ORC2: variants seen among roughly 807,000 people sequenced by gnomAD.
ORC2 encodes the protein origin recognition complex protein 2 homolog.
Under a neutral mutation model 77.7 loss-of-function variants are expected in ORC2, and 37 were observed. The ratio of observed to expected loss-of-function variants is 0.48; its 90% CI spans 0.37 to 0.63. The LOEUF is 0.63. Ranked by LOEUF, ORC2 falls within the 20% of genes least tolerant of loss-of-function variation. The pLI is 0.00. For missense variants in ORC2, 557 were observed against 661.9 expected, an observed-to-expected ratio of 0.84 and a Z score of 1.74; for synonymous variants, 201 against 229.5, an observed-to-expected ratio of 0.88 and a Z score of 1.12.
rs1016647445 is a variant in ORC2, at chr2:200,918,926, A to C, written c.1466+1296T>G. ...TGCTCTATCACCCAGGCTGGAGTGCAGTGGCGCAATCTCGGCTCCCTTCAG... is the reference window on the plus strand; with the variant it reads ...TGCTCTATCACCCAGGCTGGAGTGCCGTGGCGCAATCTCGGCTCCCTTCAG... On this transcript the variant is annotated intron_variant, in intron 15 of 17. Transcript: ENST00000234296. Among the ~76,000 whole-genome samples the C allele has an allele frequency of 2.0e-5, 3 of 152,162 alleles. No homozygotes were observed. The South Asian group carries it at 6.2e-4, about 31-fold the overall frequency.
intron 7 of ORC2, among the ~76,000 whole-genome samples, chr2:200,938,311 T>A (rs1170739514): frequency 1.3e-5 from 2 of 152,202 alleles, no homozygotes; most frequent in Non-Finnish European, 2.9e-5. Context: ...ATTATGGGTG[T>A]GAGCCACAGC....
In ORC2 at chr2:200,947,257, T is replaced by A. The variant is rs370334386; in HGVS notation, c.328+2297A>T. 2.0e-5 allele frequency among the ~76,000 whole-genome samples: 3 copies of A among 152,332 alleles called. No homozygotes were observed. In the East Asian group the frequency reaches 5.8e-4, roughly 29 times the overall value. On this transcript the variant is annotated intron_variant, in intron 5 of 17. Transcript: ENST00000234296. ...AAATACTAAGAAACACATCAATTAA[T>A]GTAAATTATTGTATGTACCATGTTA...
chr2:200,955,476 G>C (rs937167941), intron 4 of ORC2, among the ~76,000 whole-genome samples: 1 of 152,024 alleles, frequency 6.6e-6, no homozygotes, highest in Admixed American at 6.5e-5. Context: ...TTCATCTGTG[G>C]ATATTCCAAT....
Position 200,913,919 on chromosome 2 carries a change from A to C in ORC2, c.1528+12T>G. 6.3e-7 allele frequency: 1 copy of C among 1,582,342 alleles called. No homozygotes were observed. The highest frequency in any genetic ancestry group is 1.2e-5 in the South Asian group (1 of 84,156). On this transcript the variant is annotated intron_variant, in intron 16 of 17. Coordinates refer to ENST00000234296, the MANE Select transcript of ORC2 (RefSeq NM_006190.5). Reference sequence around the variant, plus strand: ...AAAAATTACACAATTGAATGTCATAAATATTGGATACCAATGTAAGAAGGG... The same window carrying C: ...AAAAATTACACAATTGAATGTCATACATATTGGATACCAATGTAAGAAGGG...
At chr2:200,912,166 C>G (rs1168973063) in intron 17 of ORC2, among the ~76,000 whole-genome samples, 1 of 152,212 alleles carries the variant, frequency 6.6e-6, no homozygotes, top group Non-Finnish European at 1.5e-5. Context: ...TCCTAGCTCT[C>G]TATTCTCACT....
chr2:200,962,589 A>G (rs1262412104), intron 1 of ORC2, among the ~76,000 whole-genome samples: 1 of 152,136 alleles, frequency 6.6e-6, no homozygotes, highest in Non-Finnish European at 1.5e-5. Context: ...AATTATCGGT[A>G]TTTTTACTTT....
At chr2:200,925,752 T>C in intron 13 of ORC2, 84 bp downstream of exon 13, 1 of 482,162 alleles carries the variant, frequency 2.1e-6, no homozygotes, top group South Asian at 2.8e-5. Flanking sequence ...ATAATAATAA[T>C]ATTGTATGTA....
intron 4 of ORC2, among the ~76,000 whole-genome samples, chr2:200,950,188 G>A (rs996244870): frequency 3.9e-5 from 6 of 152,038 alleles, no homozygotes; most frequent in South Asian, 2.1e-4. Flanking sequence ...AAAATTAGCC[G>A]GGCATGGGGG....
At chr2:200,954,073 C>T (rs1326962649) in intron 4 of ORC2, among the ~76,000 whole-genome samples, 2 of 150,564 alleles carry the variant, frequency 1.3e-5, no homozygotes, top group Non-Finnish European at 3.0e-5. Context: ...ACTCTTGTTG[C>T]CCAGGCTGAA....
At chr2:200,954,843 G>T (rs2041436053) in intron 4 of ORC2, among the ~76,000 whole-genome samples, 1 of 150,710 alleles carries the variant, frequency 6.6e-6, no homozygotes, top group South Asian at 2.1e-4. Flanking sequence ...AAAAACATAG[G>T]GCATGATGCC....
At chr2:200,932,300 G>A (rs1470955753) in intron 10 of ORC2, among the ~76,000 whole-genome samples, 3 of 149,142 alleles carry the variant, frequency 2.0e-5, no homozygotes, top group Non-Finnish European at 3.0e-5. Context: ...GTGAACACTA[G>A]AATGTTATCT....
chr2:200,935,942 A>AGG (rs1450459647), intron 8 of ORC2, 50 bp from the exon 9 acceptor site: 1 of 1,539,596 alleles, frequency 6.5e-7, no homozygotes, highest in Non-Finnish European at 8.8e-7. Context: ...TTGACAAGAG[A>AGG]GGCATTGTGG....
chr2:200,918,714 C>T (rs2040702425), intron 15 of ORC2, among the ~76,000 whole-genome samples: 1 of 152,132 alleles, frequency 6.6e-6, no homozygotes, highest in African/African-American at 2.4e-5. Context: ...GTCTCGAACT[C>T]CTGACTTCAA....
intron 4 of ORC2, among the ~76,000 whole-genome samples, chr2:200,952,842 T>C (rs1294143573): frequency 6.6e-6 from 1 of 151,158 alleles, no homozygotes; most frequent in East Asian, 1.9e-4. Flanking sequence ...TGGGCATAAT[T>C]GCTTACACCT....
intron 7 of ORC2, among the ~76,000 whole-genome samples, chr2:200,940,819 C>G (rs529953507): frequency 1.6e-4 from 24 of 151,092 alleles, no homozygotes; most frequent in African/African-American, 5.2e-4. Flanking sequence ...AACAAACAAA[C>G]AAAGAAAAAA....
chr2:200,925,714 G>A, intron 13 of ORC2, 122 bp downstream of exon 13: 2 of 326,858 alleles, frequency 6.1e-6, no homozygotes, highest in East Asian at 5.3e-5. Context: ...ACTCCAGGCT[G>A]GGCAACAGAG....
At chr2:200,931,637 A>G (rs556714995) in intron 10 of ORC2, among the ~76,000 whole-genome samples, 189 bp from the exon 11 acceptor site, 25 of 152,276 alleles carry the variant, frequency 1.6e-4, no homozygotes, top group African/African-American at 5.3e-4. Flanking sequence ...TTGTTTTCTT[A>G]AAATTGTTAA....
At chr2:200,942,031 G>A (rs2041162602) in intron 6 of ORC2, among the ~76,000 whole-genome samples, 1 of 151,716 alleles carries the variant, frequency 6.6e-6, no homozygotes, top group South Asian at 2.1e-4. Context: ...AAAGTACAAT[G>A]GAGCCAGACA....
At chr2:200,918,986 C>A (rs1377738661) in intron 15 of ORC2, among the ~76,000 whole-genome samples, 1 of 151,960 alleles carries the variant, frequency 6.6e-6, no homozygotes, top group Non-Finnish European at 1.5e-5. Context: ...TACACCACCA[C>A]ACTCAATTAA....
Sources: allele counts gnomAD v4.1 joint callset (sites outside exome capture counted in the v4.1 genomes callset), GRCh38; gene constraint gnomAD v4.1.1; transcripts MANE v1.5; gene names NCBI Gene and HGNC (gene_info 2026-07-23, HGNC 2026-07-21).